Variants in PTPRT observed in about 807,000 individuals in gnomAD.
PTPRT encodes protein tyrosine phosphatase receptor type T, also known as receptor-type tyrosine-protein phosphatase T.
Under a neutral mutation model 176.8 loss-of-function variants are expected in PTPRT, and 56 were observed. The ratio of observed to expected loss-of-function variants is 0.32; its 90% CI spans 0.26 to 0.40. The LOEUF is 0.40. Ranked by LOEUF, PTPRT falls within the 10% of genes least tolerant of loss-of-function variation. The pLI, the probability that PTPRT is intolerant of heterozygous loss-of-function variation, is 1.00. For synonymous variants in PTPRT, 783 were observed against 739.0 expected (o/e 1.06, Z -0.96); for missense variants, 1,540 against 1,908.2 (o/e 0.81, Z 3.60).
At chr20:42,266,415 T>G (rs1271261073) in intron 13 of PTPRT, among the ~76,000 whole-genome samples, 1 of 152,042 alleles carries the variant, frequency 6.6e-6, no homozygotes, top group African/African-American at 2.4e-5. Flanking sequence ...GGCCACCCCC[T>G]TGAGGCCTGG....
intron 1 of PTPRT, among the ~76,000 whole-genome samples, chr20:43,092,262 G>A (rs2011909107): frequency 6.6e-6 from 1 of 152,206 alleles, no homozygotes; most frequent in Non-Finnish European, 1.5e-5. Flanking sequence ...CTGCCTGGGA[G>A]AAGGAAGATG....
chr20:43,140,147 C>A (rs1026212431), intron 1 of PTPRT, among the ~76,000 whole-genome samples: 2 of 151,932 alleles, frequency 1.3e-5, no homozygotes, highest in African/African-American at 4.8e-5. Flanking sequence ...GTGTGCATAT[C>A]CTTTTGTTTT....
At chr20:42,530,832 C>T in intron 7 of PTPRT, among the ~76,000 whole-genome samples, 1 of 152,048 alleles carries the variant, frequency 6.6e-6, no homozygotes, top group East Asian at 1.9e-4. Flanking sequence ...GGATAGTGGC[C>T]AAGTATTTGC....
intron 3 of PTPRT, among the ~76,000 whole-genome samples, chr20:42,787,699 A>C (rs758218228): frequency 1.3e-5 from 2 of 152,228 alleles, no homozygotes; most frequent in Non-Finnish European, 2.9e-5. Context: ...TGCTTAATGC[A>C]ATTCTGAAAC....
intron 6 of PTPRT, among the ~76,000 whole-genome samples, chr20:42,720,736 T>C (rs1600660231): frequency 2.6e-5 from 4 of 152,350 alleles, no homozygotes; most frequent in Admixed American, 2.6e-4. Context: ...CCTTCTGCAC[T>C]GTCAAATCCC....
chr20:42,487,789 G>T (rs1006418198), intron 7 of PTPRT, among the ~76,000 whole-genome samples: 1 of 152,104 alleles, frequency 6.6e-6, no homozygotes, highest in Non-Finnish European at 1.5e-5. Flanking sequence ...TAACTGCTAC[G>T]CTTATGGTGA....
intron 23 of PTPRT, 75 bp downstream of exon 23, chr20:42,110,258 G>T (rs1986889265): frequency 5.6e-5 from 78 of 1,394,122 alleles, no homozygotes; most frequent in Non-Finnish European, 7.3e-5. Context: ...CACCACGTTG[G>T]CCAGGCTGGT....
chr20:43,102,697 G>A (rs1362650605), intron 1 of PTPRT, among the ~76,000 whole-genome samples: 1 of 152,178 alleles, frequency 6.6e-6, no homozygotes, highest in Non-Finnish European at 1.5e-5. Flanking sequence ...TACCTTGGTG[G>A]GCAATTATGA....
At chr20:42,899,288 G>C (rs928247957) in intron 1 of PTPRT, among the ~76,000 whole-genome samples, 1 of 152,236 alleles carries the variant, frequency 6.6e-6, no homozygotes, top group Non-Finnish European at 1.5e-5. Flanking sequence ...GATCAGTCGG[G>C]AAAAGGTGAG....
chr20:43,082,248 AC>A (rs1159719560), intron 1 of PTPRT, among the ~76,000 whole-genome samples: 2 of 152,174 alleles, frequency 1.3e-5, no homozygotes, highest in African/African-American at 4.8e-5. Context: ...AACCACTGAT[AC>A]TGCAGGTTTG....
chr20:43,047,894 T>C (rs1391936126), intron 1 of PTPRT, among the ~76,000 whole-genome samples: 1 of 152,054 alleles, frequency 6.6e-6, no homozygotes. Flanking sequence ...GTCACACCAA[T>C]GTAAGTGGAA....
At chr20:42,525,397 C>CCTGTG (rs2072251188) in intron 7 of PTPRT, among the ~76,000 whole-genome samples, 1 of 152,160 alleles carries the variant, frequency 6.6e-6, no homozygotes, top group Non-Finnish European at 1.5e-5. Flanking sequence ...TTTGTTCTAA[C>CCTGTG]TCCCCTTAAT....
intron 1 of PTPRT, among the ~76,000 whole-genome samples, chr20:43,165,634 C>T (rs760816160): frequency 6.6e-6 from 1 of 152,132 alleles, no homozygotes; most frequent in Non-Finnish European, 1.5e-5. Flanking sequence ...CAGACTAACA[C>T]ATAAGTGAAT....
At chr20:42,399,179 CTT>C (rs2058880548) in intron 9 of PTPRT, among the ~76,000 whole-genome samples, 1 of 152,246 alleles carries the variant, frequency 6.6e-6, no homozygotes, top group South Asian at 2.1e-4. Flanking sequence ...GGGCTGGAGA[CTT>C]AGGCTCCGCC....
At chr20:42,836,051 T>A (rs959400028) in intron 2 of PTPRT, among the ~76,000 whole-genome samples, 1 of 152,080 alleles carries the variant, frequency 6.6e-6, no homozygotes, top group Non-Finnish European at 1.5e-5. Flanking sequence ...AATTTTTCCA[T>A]TGGTAAGATG....
intron 7 of PTPRT, among the ~76,000 whole-genome samples, chr20:42,583,564 T>C (rs1375967682): frequency 6.6e-6 from 1 of 151,526 alleles, no homozygotes; most frequent in Non-Finnish European, 1.5e-5. Context: ...TTAAAAAGAG[T>C]AAAAACTATG....
rs735049 is a variant in PTPRT at position 42,471,996 on chromosome 20, A to G, written c.1450+270T>C. Among the ~76,000 whole-genome samples, 511 of 152,224 alleles carry G rather than the reference A, an allele frequency of 3.4e-3. 4 individuals carry two copies. Among genetic ancestry groups the G allele is most frequent in the Middle Eastern group, 0.014 (4 of 294 alleles). Reference sequence around the variant, plus strand: ...TAGCAATGCAAGAATGGTCTAATACACTGGTATAAAGCAAGAAGAGGGATG... The same window carrying G: ...TAGCAATGCAAGAATGGTCTAATACGCTGGTATAAAGCAAGAAGAGGGATG... On this transcript the variant is annotated intron_variant, in intron 8 of 30. Coordinates refer to ENST00000373187, the MANE Select transcript of PTPRT (RefSeq NM_007050.6).
chr20:42,049,788 T>C, the PTPRT span, among the ~76,000 whole-genome samples: 4 of 152,150 alleles, frequency 2.6e-5, no homozygotes, highest in Admixed American at 6.5e-5. Context: ...CAAGGGAAAC[T>C]TCGAGATAAA....
intron 7 of PTPRT, among the ~76,000 whole-genome samples, chr20:42,638,850 C>T (rs985523359): frequency 6.6e-6 from 1 of 151,838 alleles, no homozygotes; most frequent in African/African-American, 2.4e-5. Context: ...AACTGTTTTC[C>T]CACACATTAG....
Sources: allele counts gnomAD v4.1 joint callset (sites outside exome capture counted in the v4.1 genomes callset), GRCh38; gene constraint gnomAD v4.1.1; transcripts MANE v1.5; gene names NCBI Gene and HGNC (gene_info 2026-07-23, HGNC 2026-07-21).